Variants in KAT14 observed in about 807,000 individuals in gnomAD.
The protein encoded by KAT14 is cysteine-rich protein 2-binding protein.
In KAT14, 66 loss-of-function variants were observed where a neutral mutation model predicts 78.4. That is an observed-to-expected ratio of 0.84 (90% CI 0.69 to 1.03). The LOEUF (loss-of-function observed/expected upper bound fraction) is 1.03. Among genes scored for constraint, KAT14 ranks in the 50% least tolerant of loss-of-function variants. The probability of loss-of-function intolerance (pLI) is 0.00; values close to 1 mark genes in which losing one functional copy is unlikely to be tolerated. For missense variants in KAT14, 870 were observed against 972.5 expected, an observed-to-expected ratio of 0.89 and a Z score of 1.40; for synonymous variants, 344 against 359.4, an observed-to-expected ratio of 0.96 and a Z score of 0.48.
Position 18,142,780 on chromosome 20 carries a change from C to T in KAT14, c.120C>T (p.Val40=), listed in dbSNP as rs756717589. The change falls in exon 2 of 11, where the codon GTC becomes GTT. Residue 40 remains valine, a synonymous_variant. Coordinates refer to ENST00000688188, the MANE Select transcript of KAT14 (RefSeq NM_001392073.1). Reference sequence around the variant, plus strand: ...TGGAGGGAGAGACGCTCCTGATCGTCGAATCCGAGGATCAGGCATCAGTGG... The same window carrying T: ...TGGAGGGAGAGACGCTCCTGATCGTTGAATCCGAGGATCAGGCATCAGTGG... ...GEVEGETLLI[V]ESEDQASVDL... is the part of the protein sequence containing the mutation. The T allele has an allele frequency of 5.6e-6, 9 of 1,614,112 alleles. No individual in the cohort carries two copies. Among genetic ancestry groups the T allele is most frequent in the South Asian group, 2.2e-5 (2 of 91,068 alleles).
intron 3 of KAT14, among the ~76,000 whole-genome samples, chr20:18,149,986 A>G (rs796969829): frequency 1.3e-4 from 20 of 152,314 alleles, no homozygotes; most frequent in African/African-American, 4.8e-4. Context: ...AAAAACATCT[A>G]TATGAGTATC....
chr20:18,177,603 G>A (rs2039092715), intron 7 of KAT14, among the ~76,000 whole-genome samples: 1 of 152,286 alleles, frequency 6.6e-6, no homozygotes, highest in East Asian at 1.9e-4. Context: ...GAAAATTTTG[G>A]TGTCCAGTTT....
At position 18,187,504 on chromosome 20, in the gene KAT14, G is replaced by A. The variant is rs1241129575; in HGVS notation, c.*45G>A. The A allele has an allele frequency of 2.5e-6, 4 of 1,608,446 alleles. No individual in the cohort carries two copies. Among genetic ancestry groups the A allele is most frequent in the Non-Finnish European group, 3.4e-6 (4 of 1,178,512 alleles). ...GAAACGCATGTGCTATTGGAGAACA[G>A]GTCTTTGTGGAGATCTAAAGGCAGT... is the stretch of plus-strand genomic sequence containing the variant. On this transcript the variant is annotated 3_prime_UTR_variant, in exon 11 of 11. Coordinates refer to ENST00000688188, the MANE Select transcript of KAT14 (RefSeq NM_001392073.1).
At chr20:18,179,631 C>T (rs1274400785) in intron 7 of KAT14, among the ~76,000 whole-genome samples, 1 of 152,146 alleles carries the variant, frequency 6.6e-6, no homozygotes, top group East Asian at 1.9e-4. Flanking sequence ...GCCTTCTAGG[C>T]TTCCAGGTCT....
At position 18,187,284 on chromosome 20, in the gene KAT14, A is replaced by G; in HGVS notation, c.2173-2A>G. 3.1e-6 allele frequency: 5 copies of G among 1,594,214 alleles called. No individual in the cohort carries two copies. The highest frequency in any genetic ancestry group is 4.3e-6 in the Non-Finnish European group (5 of 1,174,480). ...TCTTGTATTTTTCCACTCTTTTGGCAGACCTGCATGGGCAAGGACGTAACC... is the reference window on the plus strand; with the variant it reads ...TCTTGTATTTTTCCACTCTTTTGGCGGACCTGCATGGGCAAGGACGTAACC... On this transcript the variant is annotated splice_acceptor_variant, in intron 10 of 10. Coordinates refer to ENST00000688188, the MANE Select transcript of KAT14 (RefSeq NM_001392073.1). LOFTEE classifies it high-confidence loss of function.
Position 18,142,673 on chromosome 20 carries a change from A to C in KAT14, c.13A>C (p.Ile5Leu), listed in dbSNP as rs1568662136. 10 of 1,614,210 alleles carry C rather than the reference A, an allele frequency of 6.2e-6. No individual in the cohort carries two copies. The highest frequency in any genetic ancestry group is 5.1e-6 in the Non-Finnish European group (6 of 1,180,044). MDSS[I>L]HLSSLISRHD... ...TGAGAAGGAAGGGATGGATAGTAGCATCCACCTGAGTAGTCTGATCAGTCG... is the reference window on the plus strand; with the variant it reads ...TGAGAAGGAAGGGATGGATAGTAGCCTCCACCTGAGTAGTCTGATCAGTCG... Residue 5 changes from isoleucine (I) to leucine (L), a missense_variant, in exon 2 of 11, where the codon ATC becomes CTC. Ile to Leu is a conservative substitution (Grantham distance 5). Coordinates refer to ENST00000688188, the MANE Select transcript of KAT14 (RefSeq NM_001392073.1).
chr20:18,171,002 A>G (rs1442730274), intron 7 of KAT14, among the ~76,000 whole-genome samples: 2 of 152,188 alleles, frequency 1.3e-5, no homozygotes, highest in Non-Finnish European at 2.9e-5. Flanking sequence ...AAGTCTTACC[A>G]TTTAAGACTC....
At chr20:18,137,774 GGCGCC>G, upstream of KAT14, 1 of 553,506 alleles carries the variant, frequency 1.8e-6, no homozygotes, top group Non-Finnish European at 2.9e-6. Context: ...GTAGAGCCTG[GGCGCC>G]GCTCTATGCT....
chr20:18,157,612 C>A (rs2038270899), intron 4 of KAT14, among the ~76,000 whole-genome samples: 1 of 152,116 alleles, frequency 6.6e-6, no homozygotes, highest in Non-Finnish European at 1.5e-5. Flanking sequence ...TCTCCATTCT[C>A]CCCTCCCCAC....
At chr20:18,156,723 TAG>T (rs1271207563) in intron 4 of KAT14, among the ~76,000 whole-genome samples, 1 of 152,214 alleles carries the variant, frequency 6.6e-6, no homozygotes, top group Non-Finnish European at 1.5e-5. Flanking sequence ...CCTTGGCTTG[TAG>T]ATGACGTTCT....
At chr20:18,184,886 G>T (rs913794300) in intron 10 of KAT14, 94 bp downstream of exon 10, 1 of 1,324,016 alleles carries the variant, frequency 7.6e-7, no homozygotes, top group Middle Eastern at 2.5e-4. Flanking sequence ...TTCCCAGCAT[G>T]GCCCAATGGA....
chr20:18,157,825 G>A (rs1369375435), intron 4 of KAT14, among the ~76,000 whole-genome samples: 3 of 152,144 alleles, frequency 2.0e-5, no homozygotes, highest in Non-Finnish European at 2.9e-5. Flanking sequence ...TATTGTATGT[G>A]TTTATGCTAC....
intron 7 of KAT14, among the ~76,000 whole-genome samples, chr20:18,172,470 C>T (rs1224249160): frequency 1.3e-5 from 2 of 151,588 alleles, no homozygotes; most frequent in Non-Finnish European, 2.9e-5. Context: ...AATCATGGCT[C>T]ACTGTAGCTG....
chr20:18,184,512 G>T, intron 9 of KAT14, 90 bp from the exon 10 acceptor site: 9 of 1,053,728 alleles, frequency 8.5e-6, no homozygotes, highest in East Asian at 2.9e-5. Context: ...TTAGCATGCA[G>T]GTGTAGCTAT....
intron 3 of KAT14, among the ~76,000 whole-genome samples, chr20:18,148,521 G>A (rs1028689008): frequency 1.3e-5 from 2 of 152,064 alleles, no homozygotes; most frequent in African/African-American, 4.8e-5. Flanking sequence ...TAGGCCCTGT[G>A]GATACATTGG....
intron 9 of KAT14, 28 bp downstream of exon 9, chr20:18,183,326 G>T (rs759723378): frequency 3.1e-6 from 5 of 1,604,130 alleles, no homozygotes; most frequent in Non-Finnish European, 4.3e-6. Context: ...AACCAGGCAG[G>T]TCATTTTTCT....
chr20:18,180,232 C>T (rs894728049), intron 7 of KAT14, among the ~76,000 whole-genome samples: 1 of 152,186 alleles, frequency 6.6e-6, no homozygotes, highest in African/African-American at 2.4e-5. Flanking sequence ...CCTAAATCAT[C>T]TCAAATTCAG....
chr20:18,146,593 A>C (rs947701836), intron 3 of KAT14, among the ~76,000 whole-genome samples: 2 of 152,184 alleles, frequency 1.3e-5, no homozygotes, highest in Non-Finnish European at 2.9e-5. Context: ...CAGGAGGCGG[A>C]GGTTGCAGTG....
upstream of KAT14, chr20:18,137,805 C>G: frequency 1.2e-6 from 1 of 802,630 alleles, no homozygotes; most frequent in Non-Finnish European, 1.8e-6. Flanking sequence ...CTCGATTGCT[C>G]ACGCCTGGCA....
Sources: allele counts gnomAD v4.1 joint callset (sites outside exome capture counted in the v4.1 genomes callset), GRCh38; gene constraint gnomAD v4.1.1; transcripts MANE v1.5; gene names NCBI Gene and HGNC (gene_info 2026-07-23, HGNC 2026-07-21).